GATB: variants seen among roughly 807,000 people sequenced by gnomAD.
GATB encodes the protein glutamyl-tRNA amidotransferase subunit B, also known as glutamyl-tRNA(Gln) amidotransferase subunit B, mitochondrial.
GATB carries 39 observed loss-of-function variants against 62.3 expected under a neutral mutation model. The ratio of observed to expected loss-of-function variants is 0.63; its 90% CI spans 0.48 to 0.82. GATB has a LOEUF of 0.82. Ranked by LOEUF, GATB falls within the 40% of genes least tolerant of loss-of-function variation. The pLI is 0.00. For missense variants in GATB, 670 were observed against 684.0 expected, an observed-to-expected ratio of 0.98 and a Z score of 0.23; for synonymous variants, 276 against 258.9, an observed-to-expected ratio of 1.07 and a Z score of -0.63.
chr4:151,716,057 G>A lies in GATB; in HGVS notation c.715C>T (p.Leu239=). The A allele has an allele frequency of 5.0e-6, 8 of 1,613,964 alleles. No individual in the cohort carries two copies. The highest frequency in any genetic ancestry group is 6.8e-6 in the Non-Finnish European group (8 of 1,179,936). The part of the protein sequence containing the change: ...GEEAATAVRE[L]QLILQALGTS... Reference sequence around the variant, plus strand: ...CCCAGGGCTTGAAGGATCAGCTGCAGCTCCCTGACAGCTGTTGCCGCCTCT... The same window carrying A: ...CCCAGGGCTTGAAGGATCAGCTGCAACTCCCTGACAGCTGTTGCCGCCTCT... The change falls in exon 5 of 13, where the codon CTG becomes TTG. Residue 239 remains leucine, a synonymous_variant. Coordinates refer to ENST00000263985, the MANE Select transcript of GATB (RefSeq NM_004564.3).
At chr4:151,753,413 G>A (rs1041817338) in intron 2 of GATB, among the ~76,000 whole-genome samples, 1 of 152,126 alleles carries the variant, frequency 6.6e-6, no homozygotes, top group Admixed American at 6.5e-5. Context: ...CCTTCCTGCA[G>A]GCACTTAGGT....
At chr4:151,752,718 C>G (rs1353195733) in intron 2 of GATB, among the ~76,000 whole-genome samples, 1 of 152,058 alleles carries the variant, frequency 6.6e-6, no homozygotes, top group African/African-American at 2.4e-5. Flanking sequence ...ATTCTTTTAC[C>G]CTGTGCATTA....
At position 151,760,852 on chromosome 4, in the gene GATB, G is replaced by C. The variant is rs778103839; in HGVS notation, c.131C>G (p.Ser44Ter). The C allele has an allele frequency of 1.2e-6, 2 of 1,612,770 alleles. No homozygotes were observed. Among genetic ancestry groups the C allele is most frequent in the Non-Finnish European group, 1.7e-6 (2 of 1,179,422 alleles). ...STSNQIRGES[S>*]VAQQPLHTAQ... ...CGTGTGGAGGGGCTGCTGAGCCACT[G>C]AGCTCTCTCCCCTAATCTGGTTGGA... is the stretch of plus-strand genomic sequence containing the variant. The change falls in exon 1 of 13, where the codon TCA becomes TGA. Residue 44 changes from serine (S) to a stop codon, truncating the protein, a stop_gained. Transcript: ENST00000263985. LOFTEE classifies it high-confidence loss of function.
intron 12 of GATB, among the ~76,000 whole-genome samples, chr4:151,671,537 T>C (rs1429774328): frequency 6.6e-6 from 1 of 152,138 alleles, no homozygotes; most frequent in Non-Finnish European, 1.5e-5. Flanking sequence ...CAAGAAGTGA[T>C]TGCCGAAAGC....
At chr4:151,709,059 A>G (rs1738769847) in intron 5 of GATB, among the ~76,000 whole-genome samples, 1 of 152,256 alleles carries the variant, frequency 6.6e-6, no homozygotes, top group South Asian at 2.1e-4. Flanking sequence ...TTATTTTCCT[A>G]GTTACGTTTT....
chr4:151,746,334 A>C (rs1232418976), intron 2 of GATB, among the ~76,000 whole-genome samples: 11 of 152,252 alleles, frequency 7.2e-5, no homozygotes, highest in Admixed American at 5.9e-4. Context: ...CATTTTACCA[A>C]ACAAATATAT....
intron 1 of GATB, among the ~76,000 whole-genome samples, chr4:151,759,664 A>G (rs1739911205): frequency 6.6e-6 from 1 of 152,088 alleles, no homozygotes; most frequent in Non-Finnish European, 1.5e-5. Context: ...AATCTCTCTT[A>G]TCTGGTCAGT....
chr4:151,740,308 A>G (rs983734985), intron 2 of GATB, among the ~76,000 whole-genome samples: 13 of 152,218 alleles, frequency 8.5e-5, no homozygotes, highest in Non-Finnish European at 2.9e-5. Context: ...TTGCATGAAC[A>G]TCGTAAGAGT....
chr4:151,745,984 A>G (rs1457057534), intron 2 of GATB, among the ~76,000 whole-genome samples: 1 of 152,258 alleles, frequency 6.6e-6, no homozygotes, highest in Non-Finnish European at 1.5e-5. Context: ...ACATACAGAT[A>G]AGAGCTTTCA....
chr4:151,685,463 T>C (rs987230036), intron 10 of GATB, among the ~76,000 whole-genome samples: 11 of 152,134 alleles, frequency 7.2e-5, no homozygotes, highest in African/African-American at 2.7e-4. Context: ...CTATTCCGGC[T>C]CAGCTCTGGC....
intron 2 of GATB, among the ~76,000 whole-genome samples, chr4:151,736,268 A>C (rs1412847874): frequency 6.6e-6 from 1 of 152,226 alleles, no homozygotes; most frequent in Non-Finnish European, 1.5e-5. Flanking sequence ...TAAACCCTGC[A>C]AATAGACACC....
intron 9 of GATB, among the ~76,000 whole-genome samples, chr4:151,697,953 G>GTATA (rs56231389): frequency 0.069 from 2,732 of 39,514 alleles, 115 homozygotes; most frequent in East Asian, 0.1. Flanking sequence ...GTGTGTGTGT[G>GTATA]TATATATATA....
At position 151,710,775 on chromosome 4, in the gene GATB, C is replaced by T. The variant is rs147995765; in HGVS notation, c.764-2674G>A. ...CTGATGGCTTCCTTCCCATCCAAAC[C>T]CAGGATCCCCTTCCTTATCTAGACT... On this transcript the variant is annotated intron_variant, in intron 5 of 12. Transcript: ENST00000263985. Among the ~76,000 whole-genome samples, 1,166 of 152,252 alleles carry T rather than the reference C, an allele frequency of 7.7e-3. 13 individuals are homozygous for T. Among genetic ancestry groups the T allele is most frequent in the African/African-American group, 0.027 (1,109 of 41,538 alleles).
chr4:151,754,873 T>C lies in GATB; in HGVS notation c.327+3899A>G, dbSNP rs146950554. Among the ~76,000 whole-genome samples the C allele has an allele frequency of 7.2e-3, 1,094 of 152,354 alleles. 12 individuals are homozygous for C. Among genetic ancestry groups the C allele is most frequent in the Admixed American group, 0.012 (190 of 15,304 alleles). Reference sequence around the variant, plus strand: ...GTGATGAGATACCCAGGTTAGTTTTTGTTGGCAGATCACTTAACTGGTGAA... The same window carrying C: ...GTGATGAGATACCCAGGTTAGTTTTCGTTGGCAGATCACTTAACTGGTGAA... On this transcript the variant is annotated intron_variant, in intron 2 of 12. Coordinates refer to ENST00000263985, the MANE Select transcript of GATB (RefSeq NM_004564.3).
intron 7 of GATB, 105 bp downstream of exon 7, chr4:151,705,080 G>T: frequency 1.4e-6 from 1 of 711,674 alleles, no homozygotes; most frequent in South Asian, 1.7e-5. Flanking sequence ...TAAAAGTGGA[G>T]ACGCTACGTG....
chr4:151,719,428 G>A lies in GATB; in HGVS notation c.438C>T (p.Leu146=), dbSNP rs1738982701. 1 of 1,604,510 alleles carries A rather than the reference G, an allele frequency of 6.2e-7. No individual in the cohort carries two copies. Among genetic ancestry groups the A allele is most frequent in the East Asian group, 2.2e-5 (1 of 44,724 alleles). Residue 146 remains leucine, a synonymous_variant, in exon 3 of 13, where the codon CTC becomes CTT. Coordinates refer to ENST00000263985, the MANE Select transcript of GATB (RefSeq NM_004564.3). ...FDRKHYFYAD[L]PAGYQITQQR... Reference sequence around the variant, plus strand: ...GTGGATCACAAAGTGTACTTACAGGGAGGTCTGCATAGAAGTAGTGCTTCC... The same window carrying A: ...GTGGATCACAAAGTGTACTTACAGGAAGGTCTGCATAGAAGTAGTGCTTCC...
intron 2 of GATB, among the ~76,000 whole-genome samples, chr4:151,753,322 C>A (rs1739758802): frequency 6.6e-6 from 1 of 152,134 alleles, no homozygotes; most frequent in Non-Finnish European, 1.5e-5. Flanking sequence ...CTCAGCCAGC[C>A]TTCCACAATA....
chr4:151,741,116 C>A (rs533993136), intron 2 of GATB, among the ~76,000 whole-genome samples: 1 of 151,890 alleles, frequency 6.6e-6, no homozygotes, highest in Non-Finnish European at 1.5e-5. Flanking sequence ...GTACCAAGTC[C>A]GATATAGACT....
chr4:151,757,964 CT>C (rs1739870569), intron 2 of GATB, among the ~76,000 whole-genome samples: 2 of 152,140 alleles, frequency 1.3e-5, no homozygotes, highest in Non-Finnish European at 2.9e-5. Flanking sequence ...AAAACATTTA[CT>C]TGTTCCCTTC....
Sources: allele counts gnomAD v4.1 joint callset (sites outside exome capture counted in the v4.1 genomes callset), GRCh38; gene constraint gnomAD v4.1.1; transcripts MANE v1.5; gene names NCBI Gene and HGNC (gene_info 2026-07-23, HGNC 2026-07-21).